Variants in THOC1 observed in about 807,000 individuals in gnomAD.
THOC1 encodes THO complex subunit 1.
Under a neutral mutation model 97.3 loss-of-function variants are expected in THOC1, and 29 were observed. The observed-to-expected ratio is 0.30, with a 90% CI of 0.22 to 0.41. THOC1 has a LOEUF of 0.41. Ranked by LOEUF, THOC1 falls within the 10% of genes least tolerant of loss-of-function variation. The pLI is 1.00. For missense variants in THOC1, 529 were observed against 761.9 expected, an observed-to-expected ratio of 0.69 and a Z score of 3.60; for synonymous variants, 255 against 257.0, an observed-to-expected ratio of 0.99 and a Z score of 0.07.
At chr18:241,029 A>C (rs1168827349) in intron 11 of THOC1, among the ~76,000 whole-genome samples, 1 of 152,168 alleles carries the variant, frequency 6.6e-6, no homozygotes, top group African/African-American at 2.4e-5. Context: ...GACGGAGCTC[A>C]GGTGGTAATA....
In THOC1 at chr18:221,851, G is replaced by A. The variant is rs555667750; in HGVS notation, c.1370+1589C>T. 7.4e-4 allele frequency among the ~76,000 whole-genome samples: 112 copies of A among 152,034 alleles called. No homozygotes were observed. The Middle Eastern group carries it at 0.01, about 14-fold the overall frequency. On this transcript the variant is annotated intron_variant, in intron 17 of 20. Coordinates refer to ENST00000261600, the MANE Select transcript of THOC1 (RefSeq NM_005131.3). ...TCTCTATCTCCTGACCTCATGATCC[G>A]CCCGCCTTGGCCTCCCAAAGTGCTG...
At chr18:221,992 T>TTA (rs1287336572) in intron 17 of THOC1, among the ~76,000 whole-genome samples, 3 of 152,160 alleles carry the variant, frequency 2.0e-5, no homozygotes, top group Admixed American at 2.0e-4. Context: ...ACCATACTGT[T>TTA]TTGTACTTTC....
chr18:223,035 A>AT (rs1200878976), intron 17 of THOC1, among the ~76,000 whole-genome samples: 1 of 152,056 alleles, frequency 6.6e-6, no homozygotes, highest in East Asian at 2.0e-4. Flanking sequence ...TTTCTTAATC[A>AT]TTAATTAACC....
chr18:218,673 A>C (rs1324778859), intron 18 of THOC1, among the ~76,000 whole-genome samples: 1 of 151,976 alleles, frequency 6.6e-6, no homozygotes, highest in Admixed American at 6.6e-5. Flanking sequence ...TTATATTTTG[A>C]AACAAGGGTG....
At chr18:221,873 G>T (rs1267052841) in intron 17 of THOC1, among the ~76,000 whole-genome samples, 1 of 152,074 alleles carries the variant, frequency 6.6e-6, no homozygotes, top group Non-Finnish European at 1.5e-5. Context: ...CTCCCAAAGT[G>T]CTGGGATTAC....
At chr18:251,597 G>A (rs930299915) in intron 9 of THOC1, among the ~76,000 whole-genome samples, 10 of 152,080 alleles carry the variant, frequency 6.6e-5, no homozygotes, top group East Asian at 1.9e-4. Context: ...CTGGGGCCAC[G>A]GTCTATGTAG....
rs940078253 is a variant in THOC1 at position 254,091 on chromosome 18, T to C, written c.603+182A>G. On this transcript the variant is annotated intron_variant, in intron 8 of 20. Transcript: ENST00000261600. The surrounding 1 kb of genome is among the most constrained non-coding windows in gnomAD (Gnocchi z 4.1). ...ATGCCCTGCTAATTTTTGTACTTTT[T>C]TGTAGGAATGAGGATTTGCCATGTT... Among the ~76,000 whole-genome samples, 4 of 151,782 alleles carry C rather than the reference T, an allele frequency of 2.6e-5. No individual in the cohort carries two copies. The highest frequency in any genetic ancestry group is 5.9e-5 in the Non-Finnish European group (4 of 67,954).
chr18:230,755 C>T (rs1352709684), intron 11 of THOC1, among the ~76,000 whole-genome samples: 4 of 152,040 alleles, frequency 2.6e-5, no homozygotes, highest in Non-Finnish European at 5.9e-5. Context: ...TTATTTTTAG[C>T]GACAGGGTCT....
intron 17 of THOC1, among the ~76,000 whole-genome samples, chr18:221,309 G>T (rs1454669419): frequency 1.3e-5 from 2 of 150,742 alleles, no homozygotes; most frequent in African/African-American, 5.0e-5. Flanking sequence ...GGTTTTCTGG[G>T]TGGTGGTGGA....
rs140914098 is a variant in THOC1, at chr18:255,019, A to T, written c.521-664T>A. ...TTTTTAGTAGAGACGGGCTTTTGCC[A>T]TGTTGCCTAAGCTAGTAAGATAGCA... On this transcript the variant is annotated intron_variant, in intron 7 of 20. Transcript: ENST00000261600. Among the ~76,000 whole-genome samples the T allele has an allele frequency of 3.5e-3, 540 of 152,246 alleles. 5 individuals carry two copies. The highest frequency in any genetic ancestry group is 0.012 in the African/African-American group (509 of 41,548).
chr18:261,797 A>G (rs559154792), intron 4 of THOC1, among the ~76,000 whole-genome samples: 1 of 152,200 alleles, frequency 6.6e-6, no homozygotes, highest in African/African-American at 2.4e-5. Flanking sequence ...CTTTTTCTAG[A>G]TTCTACTGCC....
intron 9 of THOC1, among the ~76,000 whole-genome samples, chr18:250,047 T>C (rs577454): frequency 0.63 from 95,481 of 152,016 alleles, 30,184 homozygotes; most frequent in South Asian, 0.76. Context: ...TATTATTCCA[T>C]GTTGCTAATT....
chr18:257,031 C>T (rs969974070), intron 7 of THOC1, among the ~76,000 whole-genome samples: 6 of 152,100 alleles, frequency 3.9e-5, no homozygotes, highest in East Asian at 1.9e-4. Context: ...TCTAGAAGTA[C>T]GGTATGTACA....
chr18:266,313 C>T (rs887447744), intron 1 of THOC1, among the ~76,000 whole-genome samples: 1 of 152,132 alleles, frequency 6.6e-6, no homozygotes, highest in Non-Finnish European at 1.5e-5. Context: ...GGGCCTGTTC[C>T]TTTATCTCTT....
intron 1 of THOC1, 63 bp from the exon 2 acceptor site, chr18:265,593 T>C (rs1912742128): frequency 2.1e-5 from 27 of 1,300,814 alleles, no homozygotes; most frequent in Non-Finnish European, 2.6e-5. Context: ...CTGAAAAATA[T>C]ATCGTTCATT....
chr18:246,970 G>A (rs1489894890), intron 10 of THOC1, among the ~76,000 whole-genome samples: 4 of 151,240 alleles, frequency 2.6e-5, no homozygotes, highest in African/African-American at 7.3e-5. Context: ...CTGTGTAAGG[G>A]ACAAATAGAT....
chr18:218,266 G>C (rs1910961919), intron 18 of THOC1, among the ~76,000 whole-genome samples: 1 of 151,776 alleles, frequency 6.6e-6, no homozygotes, highest in African/African-American at 2.4e-5. Flanking sequence ...TAGTTGCCTA[G>C]TAAGTAAGTG....
At chr18:259,963 T>A in intron 5 of THOC1, 3 of 524,540 alleles carry the variant, frequency 5.7e-6, no homozygotes, top group Non-Finnish European at 1.0e-5. Flanking sequence ...ATTTTCAAGT[T>A]AATTTTTATT....
chr18:215,127 G>A lies in THOC1; in HGVS notation c.1679-206C>T, dbSNP rs141502264. ...AGCTAAAGCTGTTACCTATAATTAC[G>A]TAGGCTTTCCCTGAAATGAGGTGCT... On this transcript the variant is annotated intron_variant, in intron 20 of 20. Coordinates refer to ENST00000261600, the MANE Select transcript of THOC1 (RefSeq NM_005131.3). 2.2e-3 allele frequency among the ~76,000 whole-genome samples: 338 copies of A among 152,232 alleles called. 2 individuals are homozygous for A. The highest frequency in any genetic ancestry group is 7.8e-3 in the African/African-American group (325 of 41,514).
Sources: allele counts gnomAD v4.1 joint callset (sites outside exome capture counted in the v4.1 genomes callset), GRCh38; gene constraint gnomAD v4.1.1; non-coding constraint Gnocchi (gnomAD v3.1); transcripts MANE v1.5; gene names NCBI Gene and HGNC (gene_info 2026-07-23, HGNC 2026-07-21).